TBX1: variants seen among roughly 807,000 people sequenced by gnomAD.
The protein encoded by TBX1 is T-box transcription factor TBX1.
Under a neutral mutation model 40.8 loss-of-function variants are expected in TBX1, and 16 were observed. That is an observed-to-expected ratio of 0.39 (90% CI 0.27 to 0.60). The LOEUF (loss-of-function observed/expected upper bound fraction) is 0.60, where lower values mean the gene tolerates loss of function less well. TBX1 is among the 20% of genes least tolerant of loss of function. The probability of loss-of-function intolerance (pLI) is 0.51; values close to 1 mark genes in which losing one functional copy is unlikely to be tolerated. For missense variants in TBX1, 755 were observed against 728.5 expected (o/e 1.04, Z -0.42); for synonymous variants, 403 against 336.8 (o/e 1.20, Z -2.15).
rs772861308 is a variant in TBX1, at chr22:19,779,014, G to A, written c.1010-206G>A. On this transcript the variant is annotated intron_variant, in intron 8 of 8. Transcript: ENST00000329705. ...ACTGACTGTGGGAAAGGCCTGTGCT[G>A]GGCTGAGGTGGGACCTGGTGTGGCT... Among the ~76,000 whole-genome samples the A allele has an allele frequency of 2.0e-5, 3 of 152,234 alleles. No individual in the cohort carries two copies. In the South Asian group the frequency reaches 6.2e-4, roughly 31 times the overall value.
At chr22:19,781,305 G>C (rs549986749), downstream of TBX1, among the ~76,000 whole-genome samples, 1 of 152,124 alleles carries the variant, frequency 6.6e-6, no homozygotes, top group East Asian at 1.9e-4. Flanking sequence ...CTGGACTCCA[G>C]CTCCTGGATT....
downstream of TBX1, among the ~76,000 whole-genome samples, chr22:19,780,939 C>T (rs554005923): frequency 1.0e-3 from 156 of 152,176 alleles, no homozygotes; most frequent in African/African-American, 3.6e-3. Flanking sequence ...CCCGCCACCA[C>T]GCCCAGCTAA....
rs774386479 is a variant in TBX1, at chr22:19,766,832, G to A, written c.1480G>A (p.Ala494Thr). The part of the protein sequence containing the change: ...AANMYSSAGA[A>T]PPGSYDYCPR The stretch of plus-strand genomic sequence containing the variant: ...CAACATGTACTCGTCGGCCGGAGCC[G>A]CGCCGCCCGGCTCCTACGACTATTG... Residue 494 changes from alanine (A) to threonine (T), a missense_variant, in exon 7 of 7, where the codon GCG (alanine) becomes ACG (threonine). Physicochemically the swap from Ala to Thr is moderately conservative, Grantham distance 58 (BLOSUM62 0). Around this residue, in one of 3 missense-constraint regions of TBX1, gnomAD observed 412 missense variants for 317.6 expected, o/e 1.30. Coordinates refer to ENST00000649276, the MANE Select transcript of TBX1 (RefSeq NM_001379200.1). 13 of 1,564,454 alleles carry A rather than the reference G, an allele frequency of 8.3e-6. No individual in the cohort carries two copies. The South Asian group carries it at 1.3e-4, about 15-fold the overall frequency.
At chr22:19,776,451 A>G (rs1937066515) in intron 8 of TBX1, among the ~76,000 whole-genome samples, 1 of 152,210 alleles carries the variant, frequency 6.6e-6, no homozygotes, top group South Asian at 2.1e-4. Flanking sequence ...CAGCAGGGAC[A>G]GCTAACACCC....
At position 19,767,177 on chromosome 22, in the gene TBX1, T is replaced by G; in HGVS notation, c.*310T>G. Reference sequence around the variant, plus strand: ...AGGCGGAAGGAAGTGATATTTATTGTTCTCCCCGAGACCGCGTCGCCCGCG... The same window carrying G: ...AGGCGGAAGGAAGTGATATTTATTGGTCTCCCCGAGACCGCGTCGCCCGCG... On this transcript the variant is annotated 3_prime_UTR_variant, in exon 7 of 7. Coordinates refer to ENST00000649276, the MANE Select transcript of TBX1 (RefSeq NM_001379200.1). The G allele has an allele frequency of 2.6e-6, 3 of 1,133,486 alleles. No individual in the cohort carries two copies. Among genetic ancestry groups the G allele is most frequent in the Non-Finnish European group, 2.2e-6 (2 of 923,622 alleles). The allele number at this position is 1,133,486 out of a possible 1,614,324, so 70.2% of individuals were successfully genotyped here.
upstream of TBX1, among the ~76,000 whole-genome samples, chr22:19,758,855 C>T (rs1002504253): frequency 6.6e-6 from 1 of 152,236 alleles, no homozygotes; most frequent in Admixed American, 6.5e-5. Context: ...CGATAGTGAG[C>T]CAACTTCAGG....
chr22:19,773,826 C>A (rs555196053), intron 8 of TBX1, among the ~76,000 whole-genome samples: 1 of 152,214 alleles, frequency 6.6e-6, no homozygotes, highest in Non-Finnish European at 1.5e-5. Flanking sequence ...CCTGAGCTGC[C>A]GAGGGAGATT....
chr22:19,767,960 A>T (rs754158335), downstream of TBX1, among the ~76,000 whole-genome samples: 3 of 152,204 alleles, frequency 2.0e-5, no homozygotes, highest in Non-Finnish European at 4.4e-5. Context: ...GGGCACAATG[A>T]CAGTAGCCAT....
At chr22:19,776,495 G>T (rs912028100) in intron 8 of TBX1, among the ~76,000 whole-genome samples, 24 of 152,204 alleles carry the variant, frequency 1.6e-4, no homozygotes, top group African/African-American at 5.8e-4. Context: ...CTCTTCAGAG[G>T]CAGGATCACC....
At chr22:19,768,793 G>A (rs181520168), downstream of TBX1, among the ~76,000 whole-genome samples, 59 of 152,208 alleles carry the variant, frequency 3.9e-4, 2 homozygotes, top group Admixed American at 3.9e-3. Context: ...AGCAAACACA[G>A]TGTTTGTAAA....
In TBX1 at chr22:19,761,004, C is replaced by A; in HGVS notation, c.161C>A (p.Pro54Gln). ...ADPYGPREPP[P>Q]PPPRYDPCAA... ...CCGTACGGCCCGCGCGAGCCCCCGCCGCCGCCGCCGCGCTACGACCCGTGC... is the reference window on the plus strand; with the variant it reads ...CCGTACGGCCCGCGCGAGCCCCCGCAGCCGCCGCCGCGCTACGACCCGTGC... The change falls in exon 1 of 7, where the codon CCG becomes CAG. Residue 54 changes from proline to glutamine, a missense_variant. This residue lies in a region of TBX1 where 199 missense variants were observed against 173.0 expected (regional missense o/e 1.15). Coordinates refer to ENST00000649276, the MANE Select transcript of TBX1 (RefSeq NM_001379200.1). 1.1e-6 allele frequency: 1 copy of A among 926,818 alleles called. No homozygotes were observed. Among genetic ancestry groups the A allele is most frequent in the South Asian group, 4.8e-5 (1 of 20,950 alleles). 57.4% of individuals were successfully genotyped at this position (926,818 alleles called of 1,614,324 possible).
intron 8 of TBX1, among the ~76,000 whole-genome samples, chr22:19,776,065 G>A (rs899300995): frequency 1.3e-5 from 2 of 152,142 alleles, no homozygotes; most frequent in Admixed American, 1.3e-4. Flanking sequence ...TGTAAGCCAC[G>A]TGGGCACAGG....
At chr22:19,760,422 A>G (rs1004306596), upstream of TBX1, among the ~76,000 whole-genome samples, 1 of 149,824 alleles carries the variant, frequency 6.7e-6, no homozygotes, top group African/African-American at 2.4e-5. Context: ...GGGAGGGAAA[A>G]TTTAAATGAG....
At chr22:19,763,153 G>T in intron 1 of TBX1, 88 bp from the exon 2 acceptor site, 2 of 1,033,806 alleles carry the variant, frequency 1.9e-6, no homozygotes, top group Non-Finnish European at 3.0e-6. Context: ...TGGAGGGAGG[G>T]GCCGAGCAGA....
intron 8 of TBX1, among the ~76,000 whole-genome samples, chr22:19,776,339 C>T (rs773185388): frequency 6.6e-6 from 1 of 152,336 alleles, no homozygotes; most frequent in Non-Finnish European, 1.5e-5. Flanking sequence ...CAGGAAGGCC[C>T]AGTCCTCCCT....
downstream of TBX1, among the ~76,000 whole-genome samples, chr22:19,769,017 G>A (rs1005747511): frequency 7.1e-6 from 1 of 140,968 alleles, no homozygotes; most frequent in Non-Finnish European, 1.5e-5. Flanking sequence ...CCGGAATGCC[G>A]TGGTGCGATC....
chr22:19,771,889 C>T (rs1164071833), downstream of TBX1, among the ~76,000 whole-genome samples: 1 of 152,216 alleles, frequency 6.6e-6, no homozygotes. Flanking sequence ...CCACTGTGGC[C>T]TCGGGCAACG....
chr22:19,772,142 G>A (rs756258646), downstream of TBX1, among the ~76,000 whole-genome samples: 3 of 152,068 alleles, frequency 2.0e-5, no homozygotes, highest in East Asian at 1.9e-4. Flanking sequence ...TTGCTCTGTC[G>A]CCCAGGCTGG....
chr22:19,778,675 T>C (rs997207559), intron 8 of TBX1, among the ~76,000 whole-genome samples: 3 of 152,142 alleles, frequency 2.0e-5, no homozygotes, highest in Non-Finnish European at 2.9e-5. Flanking sequence ...GCTCAAATGA[T>C]CCGCCTGCCT....
Sources: allele counts gnomAD v4.1 joint callset (sites outside exome capture counted in the v4.1 genomes callset), GRCh38; gene constraint gnomAD v4.1.1; regional missense constraint gnomAD v4.1.1; transcripts MANE v1.5; gene names NCBI Gene and HGNC (gene_info 2026-07-23, HGNC 2026-07-21).